Variants in ABL1 observed in about 807,000 individuals in gnomAD.
The protein encoded by ABL1 is tyrosine-protein kinase ABL1.
ABL1 carries 11 observed loss-of-function variants against 94.7 expected under a neutral mutation model. That is an observed-to-expected ratio of 0.12 (90% CI 0.07 to 0.19). The LOEUF is 0.19. Ranked by LOEUF, ABL1 falls within the 10% of genes least tolerant of loss-of-function variation. The pLI is 1.00. For missense variants in ABL1, 1,082 were observed against 1,489.4 expected (o/e 0.73, Z 4.50); for synonymous variants, 656 against 622.4 (o/e 1.05, Z -0.80).
At chr9:130,729,566 T>TA (rs1831634867) in intron 1 of ABL1, among the ~76,000 whole-genome samples, 1 of 152,184 alleles carries the variant, frequency 6.6e-6, no homozygotes, top group South Asian at 2.1e-4. Flanking sequence ...ACTTACCTTA[T>TA]GTTTTTCTCT....
chr9:130,726,892 C>T (rs894215838), intron 1 of ABL1, among the ~76,000 whole-genome samples: 4 of 152,188 alleles, frequency 2.6e-5, no homozygotes, highest in African/African-American at 4.8e-5. Flanking sequence ...CTAAACACTG[C>T]GTTAGCTCTA....
intron 1 of ABL1, among the ~76,000 whole-genome samples, chr9:130,841,412 T>C (rs1166542836): frequency 6.6e-6 from 1 of 151,402 alleles, no homozygotes; most frequent in African/African-American, 2.4e-5. Flanking sequence ...GGGCCAAAAA[T>C]CTTATAATGT....
Position 130,827,244 on chromosome 9 carries a change from C to G in ABL1, c.137-26820C>G, listed in dbSNP as rs146251675. On this transcript the variant is annotated intron_variant, in intron 1 of 10. Coordinates refer to the ABL1 transcript ENST00000372348. ...TAAGATTCCCAGCCCTCTTCTAATA[C>G]CTGCTAGCCAGGGGCCTAATAAGGA... 2.8e-3 allele frequency among the ~76,000 whole-genome samples: 429 copies of G among 152,302 alleles called. 2 individuals carry two copies. The highest frequency in any genetic ancestry group is 0.01 in the African/African-American group (416 of 41,558).
intron 1 of ABL1, among the ~76,000 whole-genome samples, chr9:130,791,348 AT>A (rs1829906912): frequency 6.6e-6 from 1 of 152,250 alleles, no homozygotes; most frequent in South Asian, 2.1e-4. Context: ...CATTAGATAA[AT>A]AAAAACAAAA....
chr9:130,848,998 A>C (rs540549229), intron 1 of ABL1, among the ~76,000 whole-genome samples: 1 of 152,256 alleles, frequency 6.6e-6, no homozygotes, highest in South Asian at 2.1e-4. Context: ...ACCCTGAGTT[A>C]ACTACTGTTC....
Position 130,835,538 on chromosome 9 carries a change from C to T in ABL1, c.79+13C>T, listed in dbSNP as rs1419241047. On this transcript the variant is annotated intron_variant, in intron 1 of 10. Transcript: ENST00000318560. The surrounding 1 kb of genome is among the most constrained non-coding windows in gnomAD (Gnocchi z 4.6). ...TGTTATCTGGAAGGTAAGCCCGGGCCGCACGGGTTGGGCTGAGTAGCCGCG... is the reference window on the plus strand; with the variant it reads ...TGTTATCTGGAAGGTAAGCCCGGGCTGCACGGGTTGGGCTGAGTAGCCGCG... The T allele has an allele frequency of 1.9e-6, 3 of 1,549,766 alleles. No homozygotes were observed. Among genetic ancestry groups the T allele is most frequent in the Admixed American group, 2.0e-5 (1 of 50,940 alleles).
At chr9:130,826,445 G>T (rs1371524757) in intron 1 of ABL1, among the ~76,000 whole-genome samples, 1 of 152,064 alleles carries the variant, frequency 6.6e-6, no homozygotes, top group Non-Finnish European at 1.5e-5. Context: ...CATATTTTAA[G>T]TGAAGATGTG....
intron 1 of ABL1, among the ~76,000 whole-genome samples, chr9:130,798,966 C>CAAAAAAA (rs71389357): frequency 0.023 from 1,498 of 66,538 alleles, 84 homozygotes; most frequent in African/African-American, 0.072. Context: ...GACTCCGTCT[C>CAAAAAAA]AAAAAAAAAA....
intron 1 of ABL1, among the ~76,000 whole-genome samples, chr9:130,770,800 A>G (rs535063620): frequency 6.6e-6 from 1 of 152,212 alleles, no homozygotes; most frequent in Non-Finnish European, 1.5e-5. Context: ...GTGGGACAAT[A>G]TAAATAGGCA....
rs1056698383 is a variant in ABL1 at position 130,880,547 on chromosome 9, A to C, written c.1561A>C (p.Thr521Pro). 2 of 1,613,718 alleles carry C rather than the reference A, an allele frequency of 1.2e-6. No individual in the cohort carries two copies. The highest frequency in any genetic ancestry group is 2.7e-5 in the African/African-American group (2 of 74,838). ...GKQGVRGAVSTLLQAPELPTK... is the reference protein window; with the variant it reads ...GKQGVRGAVSPLLQAPELPTK... The stretch of plus-strand genomic sequence containing the variant: ...ACAAGGCGTCCGTGGGGCTGTGAGT[A>C]CCTTGCTGCAGGCCCCAGAGCTGCC... Residue 521 changes from threonine to proline, a missense_variant, in exon 10 of 11, where the codon ACC (threonine) becomes CCC (proline). Around this residue, in one of 7 missense-constraint regions of ABL1, gnomAD observed 780 missense variants for 835.8 expected, o/e 0.93. Coordinates refer to ENST00000318560, the MANE Select transcript of ABL1 (RefSeq NM_005157.6). The surrounding 1 kb of genome is among the most constrained non-coding windows in gnomAD (Gnocchi z 4.4).
intron 1 of ABL1, among the ~76,000 whole-genome samples, chr9:130,742,059 G>C (rs1322307926): frequency 6.6e-6 from 1 of 152,142 alleles, no homozygotes; most frequent in Non-Finnish European, 1.5e-5. Context: ...GTGACCTTTT[G>C]CTCCACAGAC....
rs763181977 is a variant in ABL1 at position 130,880,671 on chromosome 9, C to T, written c.1678+7C>T. The T allele has an allele frequency of 1.2e-6, 2 of 1,612,170 alleles. No homozygotes were observed. The highest frequency in any genetic ancestry group is 1.1e-5 in the South Asian group (1 of 90,988). On this transcript the variant is annotated splice_region_variant and intron_variant, in intron 10 of 10. Coordinates refer to ENST00000318560, the MANE Select transcript of ABL1 (RefSeq NM_005157.6). This position sits in a 1 kb window ranked among gnomAD's most constrained non-coding sequence, Gnocchi z 4.4. ...AAGGGCCAGGGAGAGAGCGGTAAGTCCCCCGCTTCCCCCAACCCCACTGCT... is the reference window on the plus strand; with the variant it reads ...AAGGGCCAGGGAGAGAGCGGTAAGTTCCCCGCTTCCCCCAACCCCACTGCT...
chr9:130,827,056 C>A (rs929328516), intron 1 of ABL1, among the ~76,000 whole-genome samples: 2 of 151,840 alleles, frequency 1.3e-5, no homozygotes, highest in Non-Finnish European at 2.9e-5. Context: ...CCAGCCTGGG[C>A]AACAGAGCAA....
chr9:130,877,726 C>T (rs11791303), intron 7 of ABL1, among the ~76,000 whole-genome samples: 25,542 of 145,760 alleles, frequency 0.18, 4,981 homozygotes, highest in African/African-American at 0.38. Flanking sequence ...CTACAACCTC[C>T]GTCTCCTGGG....
At chr9:130,856,673 CAGAT>C (rs543378677) in intron 3 of ABL1, among the ~76,000 whole-genome samples, 89 of 152,318 alleles carry the variant, frequency 5.8e-4, no homozygotes, top group African/African-American at 1.5e-3. Flanking sequence ...TACCTGGACA[CAGAT>C]GGATGGTATA....
chr9:130,720,794 G>A (rs1831504371), intron 1 of ABL1, among the ~76,000 whole-genome samples: 1 of 152,162 alleles, frequency 6.6e-6, no homozygotes, highest in Non-Finnish European at 1.5e-5. Flanking sequence ...TGGTGGCACT[G>A]GGTGGAGGGT....
At chr9:130,804,910 A>AGG (rs1830105333) in intron 1 of ABL1, among the ~76,000 whole-genome samples, 1 of 152,226 alleles carries the variant, frequency 6.6e-6, no homozygotes, top group Non-Finnish European at 1.5e-5. Flanking sequence ...CATATTAAGT[A>AGG]GGGGGACCAA....
intron 1 of ABL1, among the ~76,000 whole-genome samples, chr9:130,766,680 C>T (rs901070441): frequency 2.6e-5 from 4 of 152,142 alleles, no homozygotes; most frequent in Admixed American, 6.5e-5. Flanking sequence ...CTCCTCTGCC[C>T]TCTCTTTCTT....
intron 1 of ABL1, among the ~76,000 whole-genome samples, chr9:130,734,304 C>G (rs900612235): frequency 6.6e-6 from 1 of 150,386 alleles, no homozygotes; most frequent in African/African-American, 2.5e-5. Flanking sequence ...AGCTCTGTCT[C>G]CTGGGTTCAT....
Sources: allele counts gnomAD v4.1 joint callset (sites outside exome capture counted in the v4.1 genomes callset), GRCh38; gene constraint gnomAD v4.1.1; regional missense constraint gnomAD v4.1.1; non-coding constraint Gnocchi (gnomAD v3.1); transcripts MANE v1.5; gene names NCBI Gene and HGNC (gene_info 2026-07-23, HGNC 2026-07-21).